STYXL2: variants seen among roughly 807,000 people sequenced by gnomAD.
STYXL2 encodes serine/threonine/tyrosine interacting like 2.
Under a neutral mutation model 52.4 loss-of-function variants are expected in STYXL2, and 44 were observed. The ratio of observed to expected loss-of-function variants is 0.84; its 90% confidence interval spans 0.66 to 1.08. The LOEUF (loss-of-function observed/expected upper bound fraction) is 1.08. Among genes scored for constraint, STYXL2 ranks in the 50% least tolerant of loss-of-function variants. The probability of loss-of-function intolerance (pLI) is 0.00; values close to 1 mark genes in which losing one functional copy is unlikely to be tolerated. For missense variants in STYXL2, 1,604 were observed against 1,471.7 expected, an observed-to-expected ratio of 1.09 and a Z score of -1.47; for synonymous variants, 604 against 586.9, an observed-to-expected ratio of 1.03 and a Z score of -0.42.
intron 5 of STYXL2, among the ~76,000 whole-genome samples, chr1:167,124,557 C>A (rs907736952): frequency 2.0e-5 from 3 of 152,066 alleles, no homozygotes; most frequent in African/African-American, 4.8e-5. Flanking sequence ...ATGAAGGATG[C>A]AAAGCCGAAA....
At chr1:167,106,508 T>G (rs1039172292) in intron 2 of STYXL2, among the ~76,000 whole-genome samples, 1 of 152,206 alleles carries the variant, frequency 6.6e-6, no homozygotes, top group Non-Finnish European at 1.5e-5. Context: ...TCATTTTACA[T>G]AATACTGACC....
At chr1:167,100,589 C>T (rs1402321218) in intron 2 of STYXL2, among the ~76,000 whole-genome samples, 1 of 152,170 alleles carries the variant, frequency 6.6e-6, no homozygotes, top group African/African-American at 2.4e-5. Flanking sequence ...GGCATTCAGT[C>T]CTTAGCCTTT....
intron 3 of STYXL2, among the ~76,000 whole-genome samples, chr1:167,116,295 G>A (rs1183561980): frequency 1.3e-5 from 2 of 152,124 alleles, no homozygotes; most frequent in Non-Finnish European, 1.5e-5. Context: ...GAGTGAATTG[G>A]GGTTTGAGTT....
chr1:167,101,318 G>C (rs1232394897), intron 2 of STYXL2, among the ~76,000 whole-genome samples: 2 of 152,188 alleles, frequency 1.3e-5, no homozygotes, highest in Non-Finnish European at 2.9e-5. Context: ...TAAAAAGATT[G>C]ACGATACCAA....
chr1:167,127,628 C>T lies in STYXL2; in HGVS notation c.2497C>T (p.Leu833=), dbSNP rs1355809065. 1 of 1,614,128 alleles carries T rather than the reference C, an allele frequency of 6.2e-7. No individual in the cohort carries two copies. The highest frequency in any genetic ancestry group is 2.2e-5 in the East Asian group (1 of 44,890). ...IFSLFADNVD[L]KELGRKEKEM... Reference sequence around the variant, plus strand: ...CAGCCTCTTTGCTGACAATGTGGACCTAAAGGAACTTGGCCGGAAGGAGAA... The same window carrying T: ...CAGCCTCTTTGCTGACAATGTGGACTTAAAGGAACTTGGCCGGAAGGAGAA... The change falls in exon 6 of 6, where the codon CTA becomes TTA. Residue 833 remains leucine, a synonymous_variant. Coordinates refer to ENST00000361200, the MANE Select transcript of STYXL2 (RefSeq NM_001080426.3).
chr1:167,112,834 G>T (rs1310967524), intron 2 of STYXL2, among the ~76,000 whole-genome samples: 1 of 152,134 alleles, frequency 6.6e-6, no homozygotes, highest in Non-Finnish European at 1.5e-5. Flanking sequence ...CTCACAAATG[G>T]TATCCATTAA....
chr1:167,098,160 A>C (rs6696909), intron 2 of STYXL2, among the ~76,000 whole-genome samples: 55,538 of 151,510 alleles, frequency 0.37, 10,695 homozygotes, highest in African/African-American at 0.47. Context: ...TACAGGTGCA[A>C]GCTACCCCAC....
In STYXL2 at chr1:167,127,658, A is replaced by G. The variant is rs748539969; in HGVS notation, c.2527A>G (p.Met843Val). The change falls in exon 6 of 6, where the codon ATG becomes GTG. Residue 843 changes from methionine to valine, a missense_variant. Coordinates refer to ENST00000361200, the MANE Select transcript of STYXL2 (RefSeq NM_001080426.3). The part of the protein sequence containing the change: ...LKELGRKEKE[M>V]QMELREKMSE... ...GGAACTTGGCCGGAAGGAGAAGGAG[A>G]TGCAGATGGAGCTTAGGGAGAAGAT... The G allele has an allele frequency of 3.1e-6, 5 of 1,614,038 alleles. No homozygotes were observed. The African/African-American group carries it at 4.0e-5, about 13-fold the overall frequency.
chr1:167,123,342 GCACCC>G (rs376203402), intron 5 of STYXL2, among the ~76,000 whole-genome samples: 49 of 152,298 alleles, frequency 3.2e-4, no homozygotes, highest in African/African-American at 1.1e-3. Context: ...GAAAAATGTG[GCACCC>G]CAACCTGGTC....
chr1:167,126,702 G>A lies in STYXL2; in HGVS notation c.1571G>A (p.Gly524Asp). 6.2e-7 allele frequency: 1 copy of A among 1,614,218 alleles called. No individual in the cohort carries two copies. Among genetic ancestry groups the A allele is most frequent in the East Asian group, 2.2e-5 (1 of 44,876 alleles). Residue 524 changes from glycine (G) to aspartate (D), a missense_variant, in exon 6 of 6, where the codon GGC becomes GAC. Coordinates refer to ENST00000361200, the MANE Select transcript of STYXL2 (RefSeq NM_001080426.3). ...RVREDDEDSV[G>D]SEASSFYNFC... ...CGGGAGGATGATGAGGACAGCGTGGGCTCTGAGGCCAGTTCCTTCTACAAC... is the reference window on the plus strand; with the variant it reads ...CGGGAGGATGATGAGGACAGCGTGGACTCTGAGGCCAGTTCCTTCTACAAC...
chr1:167,117,226 A>G, intron 3 of STYXL2, 102 bp from the exon 4 acceptor site: 1 of 1,084,370 alleles, frequency 9.2e-7, no homozygotes, highest in Non-Finnish European at 1.3e-6. Flanking sequence ...GTCCATGCCC[A>G]GAATCCTGGC....
chr1:167,107,812 G>A (rs1667534686), intron 2 of STYXL2, among the ~76,000 whole-genome samples: 1 of 152,148 alleles, frequency 6.6e-6, no homozygotes, highest in Non-Finnish European at 1.5e-5. Flanking sequence ...ATAAATAAGT[G>A]TAAAATCACA....
intron 4 of STYXL2, among the ~76,000 whole-genome samples, chr1:167,118,653 T>C (rs1485975527): frequency 6.6e-6 from 1 of 152,226 alleles, no homozygotes; most frequent in Non-Finnish European, 1.5e-5. Context: ...GCTGCACTTA[T>C]TCAGCTACAG....
At chr1:167,122,973 T>C (rs565657353) in intron 5 of STYXL2, among the ~76,000 whole-genome samples, 1 of 152,308 alleles carries the variant, frequency 6.6e-6, no homozygotes, top group East Asian at 1.9e-4. Context: ...GCCTGTACTT[T>C]CCAAATTTTA....
chr1:167,119,220 T>A, intron 4 of STYXL2, 29 bp from the exon 5 acceptor site: 1 of 1,609,648 alleles, frequency 6.2e-7, no homozygotes. Context: ...TTCCGACTCT[T>A]GCAAACAGGT....
chr1:167,097,524 T>C (rs1450605760), intron 2 of STYXL2, among the ~76,000 whole-genome samples: 2 of 152,156 alleles, frequency 1.3e-5, no homozygotes, highest in Non-Finnish European at 2.9e-5. Flanking sequence ...AGATGCATGT[T>C]GTAATTTGTA....
chr1:167,123,888 T>A (rs1013622353), intron 5 of STYXL2, among the ~76,000 whole-genome samples: 5 of 152,004 alleles, frequency 3.3e-5, no homozygotes, highest in African/African-American at 1.2e-4. Flanking sequence ...CCTCCCAAAG[T>A]GCTGGGATTA....
Position 167,126,923 on chromosome 1 carries a change from AAG to A in STYXL2, c.1794_1795del (p.Lys599GlyfsTer4). 1 of 1,611,792 alleles carries A rather than the reference AAG, an allele frequency of 6.2e-7. No homozygotes were observed. On this transcript the variant is annotated frameshift_variant, in exon 6 of 6. Transcript: ENST00000361200. LOFTEE classifies it low-confidence loss of function (END_TRUNC). ...AYQAWKLKHQ[K>X]KVGSENKEEV... is the part of the protein sequence containing the mutation. ...CCAGGCCTGGAAGCTGAAACACCAG[AAG>A]AAGGTGGGCAGTGAGAACAAGGAGG...
chr1:167,113,059 G>C (rs374963683), intron 2 of STYXL2, among the ~76,000 whole-genome samples: 1 of 152,092 alleles, frequency 6.6e-6, no homozygotes, highest in South Asian at 2.1e-4. Flanking sequence ...CAACTGCACC[G>C]AATTATTTTT....
Sources: allele counts gnomAD v4.1 joint callset (sites outside exome capture counted in the v4.1 genomes callset), GRCh38; gene constraint gnomAD v4.1.1; transcripts MANE v1.5; gene names NCBI Gene and HGNC (gene_info 2026-07-23, HGNC 2026-07-21).